The following PPFIBP1 variants were observed in gnomAD, a reference collection of about 807,000 sequenced individuals.
PPFIBP1 encodes PPFIB scaffold protein 1.
Under a neutral mutation model 137.8 loss-of-function variants are expected in PPFIBP1, and 112 were observed. The ratio of observed to expected loss-of-function variants is 0.81; its 90% CI spans 0.70 to 0.95. The LOEUF (loss-of-function observed/expected upper bound fraction) is 0.95, where lower values mean the gene tolerates loss of function less well. Among genes scored for constraint, PPFIBP1 ranks in the 40% least tolerant of loss-of-function variants. The pLI, the probability that PPFIBP1 is intolerant of heterozygous loss-of-function variation, is 0.00. For synonymous variants in PPFIBP1, 378 were observed against 417.3 expected (o/e 0.91, Z 1.15); for missense variants, 1,083 against 1,196.6 (o/e 0.91, Z 1.40).
At chr12:27,661,496 T>G (rs768445031) in intron 11 of PPFIBP1, among the ~76,000 whole-genome samples, 3 of 152,212 alleles carry the variant, frequency 2.0e-5, no homozygotes. Context: ...CAGTTGGTTC[T>G]TGTTATCCAC....
At chr12:27,525,513 GAAAAAAAAAA>G (rs56656340) in intron 1 of PPFIBP1, among the ~76,000 whole-genome samples, 1,688 of 93,758 alleles carry the variant, frequency 0.018, 35 homozygotes, top group African/African-American at 0.063. Flanking sequence ...GAGCAGGAAG[GAAAAAAAAAA>G]AAAAAAAAAA....
chr12:27,613,730 C>T lies in PPFIBP1; in HGVS notation c.-35-19632C>T, dbSNP rs2055421450. 2.0e-5 allele frequency among the ~76,000 whole-genome samples: 3 copies of T among 151,250 alleles called. No individual in the cohort carries two copies. The South Asian group carries it at 6.3e-4, about 32-fold the overall frequency. ...AAAAAAAAAAAAAGAAAAAAAAATT[C>T]ACTCAGAGACCTGAAGTGTCAGGCC... On this transcript the variant is annotated intron_variant, in intron 2 of 29. Coordinates refer to ENST00000228425, the MANE Select transcript of PPFIBP1 (RefSeq NM_003622.4).
At chr12:27,568,185 G>C (rs1318013144) in intron 1 of PPFIBP1, among the ~76,000 whole-genome samples, 3 of 152,184 alleles carry the variant, frequency 2.0e-5, no homozygotes, top group Non-Finnish European at 4.4e-5. Context: ...AAGGGTCATG[G>C]GATCTCATAA....
chr12:27,651,093 G>C (rs2058849457), intron 7 of PPFIBP1, among the ~76,000 whole-genome samples: 1 of 152,036 alleles, frequency 6.6e-6, no homozygotes, highest in Admixed American at 6.6e-5. Context: ...CATGATACCA[G>C]GCATTACATA....
intron 2 of PPFIBP1, among the ~76,000 whole-genome samples, chr12:27,598,897 A>G (rs1381017757): frequency 1.3e-5 from 2 of 152,224 alleles, no homozygotes; most frequent in African/African-American, 2.4e-5. Flanking sequence ...TCTAAGTAGT[A>G]TAAGCTGCCT....
chr12:27,541,992 C>G (rs997033001), intron 1 of PPFIBP1, among the ~76,000 whole-genome samples: 1 of 152,074 alleles, frequency 6.6e-6, no homozygotes, highest in Admixed American at 6.6e-5. Context: ...CTACATAGCC[C>G]TATCTTGGCA....
At chr12:27,544,320 C>A (rs536106636) in intron 1 of PPFIBP1, among the ~76,000 whole-genome samples, 3 of 152,242 alleles carry the variant, frequency 2.0e-5, no homozygotes, top group African/African-American at 7.2e-5. Flanking sequence ...AAAAAATATG[C>A]CTAGTGATGG....
chr12:27,674,123 A>G (rs1295552294), intron 16 of PPFIBP1, 69 bp from the exon 17 acceptor site: 1 of 1,179,864 alleles, frequency 8.5e-7, no homozygotes, highest in Non-Finnish European at 1.2e-6. Context: ...ATGGAGTTGT[A>G]TGTGACAAAT....
In PPFIBP1 at chr12:27,631,428, T is replaced by TA. The variant is rs577151677; in HGVS notation, c.-35-1933dup. Reference sequence around the variant, plus strand: ...CCTTATCCTACTCCATTTTTCCCCTTAGCACCTACCACCTTCGCCATGTTA... The same window carrying TA: ...CCTTATCCTACTCCATTTTTCCCCTTAAGCACCTACCACCTTCGCCATGTTA... On this transcript the variant is annotated intron_variant, in intron 2 of 29. Coordinates refer to ENST00000228425, the MANE Select transcript of PPFIBP1 (RefSeq NM_003622.4). Among the ~76,000 whole-genome samples the TA allele has an allele frequency of 9.0e-4, 137 of 152,276 alleles. 1 individual carries two copies. Among genetic ancestry groups the TA allele is most frequent in the Non-Finnish European group, 2.6e-4 (18 of 67,990 alleles).
chr12:27,690,436 T>G (rs1259148680), intron 27 of PPFIBP1, among the ~76,000 whole-genome samples: 3 of 152,218 alleles, frequency 2.0e-5, no homozygotes, highest in Admixed American at 2.0e-4. Context: ...TTCATGTCCC[T>G]TTTTGGGTGT....
At chr12:27,645,513 G>C (rs549991693) in intron 4 of PPFIBP1, among the ~76,000 whole-genome samples, 1 of 152,198 alleles carries the variant, frequency 6.6e-6, no homozygotes, top group African/African-American at 2.4e-5. Flanking sequence ...AGAGCACTGA[G>C]CCAGATGCTG....
intron 4 of PPFIBP1, among the ~76,000 whole-genome samples, chr12:27,642,526 A>G (rs2058184145): frequency 6.6e-6 from 1 of 152,220 alleles, no homozygotes; most frequent in Non-Finnish European, 1.5e-5. Context: ...AGGCTGAGTG[A>G]CCAACTCACA....
chr12:27,691,585 A>G (rs539697196), intron 27 of PPFIBP1, among the ~76,000 whole-genome samples, 164 bp from the exon 28 acceptor site: 1 of 152,306 alleles, frequency 6.6e-6, no homozygotes, highest in South Asian at 2.1e-4. Context: ...GTTTTTATCC[A>G]TATTTAAACA....
chr12:27,656,482 G>T, intron 8 of PPFIBP1, 134 bp from the exon 9 acceptor site: 1 of 645,638 alleles, frequency 1.5e-6, no homozygotes, highest in South Asian at 1.7e-5. Context: ...TCTGATTTCT[G>T]ATGCTTGCAT....
chr12:27,651,676 G>C (rs1178777640), intron 7 of PPFIBP1, among the ~76,000 whole-genome samples: 1 of 152,184 alleles, frequency 6.6e-6, no homozygotes, highest in Non-Finnish European at 1.5e-5. Context: ...GGGAAGAATT[G>C]ATGGTAGATA....
At position 27,646,093 on chromosome 12, in the gene PPFIBP1, T is replaced by G; in HGVS notation, c.302T>G (p.Val101Gly). Residue 101 changes from valine (V) to glycine (G), a missense_variant, in exon 5 of 30, where the codon GTG becomes GGG. Physicochemically the swap from Val to Gly is moderately radical, Grantham distance 109. Transcript: ENST00000228425. The part of the protein sequence containing the change: ...TNGHLPGNGD[V>G]YQERLARLEN... ...GGACACCTACCAGGGAACGGAGATGTGTATCAAGAAAGGCTGGCACGTTTA... is the reference window on the plus strand; with the variant it reads ...GGACACCTACCAGGGAACGGAGATGGGTATCAAGAAAGGCTGGCACGTTTA... 6.2e-7 allele frequency: 1 copy of G among 1,611,800 alleles called. No homozygotes were observed. Among genetic ancestry groups the G allele is most frequent in the Non-Finnish European group, 8.5e-7 (1 of 1,178,454 alleles).
intron 22 of PPFIBP1, among the ~76,000 whole-genome samples, chr12:27,682,105 T>G (rs1190796215): frequency 1.3e-5 from 2 of 152,034 alleles, no homozygotes; most frequent in Non-Finnish European, 2.9e-5. Flanking sequence ...TAATATTTTG[T>G]ACAAAATAAG....
chr12:27,662,305 G>A (rs1375082012), intron 11 of PPFIBP1, among the ~76,000 whole-genome samples: 1 of 152,170 alleles, frequency 6.6e-6, no homozygotes, highest in Non-Finnish European at 1.5e-5. Flanking sequence ...TCGGGGCGTG[G>A]GGCTGACCAC....
At chr12:27,637,759 C>T (rs987795868) in intron 4 of PPFIBP1, among the ~76,000 whole-genome samples, 3 of 152,124 alleles carry the variant, frequency 2.0e-5, no homozygotes, top group African/African-American at 7.2e-5. Flanking sequence ...CACACACCTA[C>T]CACGATAGAC....
Sources: gnomAD v4.1 joint callset for allele counts (sites outside exome capture counted in the v4.1 genomes callset) on GRCh38, gnomAD v4.1.1 for gene constraint, MANE v1.5 for transcripts, NCBI Gene and HGNC (gene_info 2026-07-23, HGNC 2026-07-21) for gene names.